The following ACTR3C variants were observed in gnomAD, a reference collection of about 807,000 sequenced individuals.
The protein encoded by ACTR3C is actin related protein 3C.
ACTR3C carries 18 observed loss-of-function variants against 26.3 expected under a neutral mutation model. That is an observed-to-expected ratio of 0.68 (90% CI 0.47 to 1.01). The LOEUF is 1.01. ACTR3C is among the 50% of genes least tolerant of loss of function. The probability of loss-of-function intolerance (pLI) is 0.00; values close to 1 mark genes in which losing one functional copy is unlikely to be tolerated. For synonymous variants in ACTR3C, 55 were observed against 94.5 expected, an observed-to-expected ratio of 0.58 and a Z score of 2.42; for missense variants, 184 against 250.7, an observed-to-expected ratio of 0.73 and a Z score of 1.80.
chr7:149,915,668 A>G, the ACTR3C span, among the ~76,000 whole-genome samples: 1 of 151,420 alleles, frequency 6.6e-6, no homozygotes, highest in Non-Finnish European at 1.5e-5. Context: ...GTGGTAAATT[A>G]TACACAGGTG....
the ACTR3C span, among the ~76,000 whole-genome samples, chr7:149,963,071 G>A: frequency 0.011 from 1,704 of 152,346 alleles, 8 homozygotes; most frequent in Non-Finnish European, 0.015. Context: ...GGCCATGGGG[G>A]GCGTGGATGC....
intron 6 of ACTR3C, among the ~76,000 whole-genome samples, chr7:150,262,412 CT>C (rs1285306288): frequency 1.3e-5 from 2 of 152,180 alleles, no homozygotes; most frequent in Admixed American, 6.5e-5. Context: ...ATGTCTGTAA[CT>C]TTTTTTTTCT....
chr7:150,302,366 T>A (rs1253952562), intron 1 of ACTR3C, among the ~76,000 whole-genome samples: 1 of 152,060 alleles, frequency 6.6e-6, no homozygotes, highest in Non-Finnish European at 1.5e-5. Flanking sequence ...AACTCCATAA[T>A]CAAACACTGC....
chr7:150,196,043 A>G, the ACTR3C span, among the ~76,000 whole-genome samples: 1 of 152,212 alleles, frequency 6.6e-6, no homozygotes, highest in Non-Finnish European at 1.5e-5. Flanking sequence ...GCAATTGAAC[A>G]TGGTATGCTT....
chr7:150,166,676 G>A, the ACTR3C span, among the ~76,000 whole-genome samples: 1 of 150,022 alleles, frequency 6.7e-6, no homozygotes, highest in African/African-American at 2.5e-5. Context: ...TCCAGCCTGG[G>A]CAACAGAGTT....
At chr7:150,060,120 ATTG>A in the ACTR3C span, among the ~76,000 whole-genome samples, 1 of 152,192 alleles carries the variant, frequency 6.6e-6, no homozygotes, top group South Asian at 2.1e-4. Context: ...AGCCCATAGA[ATTG>A]TTGTTTGAAT....
the ACTR3C span, among the ~76,000 whole-genome samples, chr7:150,125,256 AT>A: frequency 0.095 from 13,580 of 142,894 alleles, 1,718 homozygotes; most frequent in African/African-American, 0.3. Context: ...TCATTGCAGT[AT>A]TTTTTTTTTT....
intron 1 of ACTR3C, among the ~76,000 whole-genome samples, chr7:150,308,835 G>C (rs565655560): frequency 2.6e-5 from 4 of 152,266 alleles, no homozygotes; most frequent in Non-Finnish European, 5.9e-5. Flanking sequence ...GGAGCTGAGG[G>C]CACAGTAAGG....
chr7:150,110,677 G>A, the ACTR3C span, among the ~76,000 whole-genome samples: 1 of 143,282 alleles, frequency 7.0e-6, no homozygotes, highest in Non-Finnish European at 1.5e-5. Flanking sequence ...TGAGGGCGGG[G>A]ATGATCAGTG....
At chr7:150,166,762 C>G in the ACTR3C span, among the ~76,000 whole-genome samples, 4 of 150,166 alleles carry the variant, frequency 2.7e-5, no homozygotes, top group Non-Finnish European at 4.4e-5. Flanking sequence ...AGTCCCTCAT[C>G]TCATCGTATT....
At chr7:150,025,767 T>C in the ACTR3C span, among the ~76,000 whole-genome samples, 1 of 152,124 alleles carries the variant, frequency 6.6e-6, no homozygotes, top group Non-Finnish European at 1.5e-5. Context: ...TATTGCCTAA[T>C]TCCCTCCACT....
chr7:150,221,979 CAG>C, the ACTR3C span, among the ~76,000 whole-genome samples: 2 of 120,040 alleles, frequency 1.7e-5, no homozygotes, highest in Non-Finnish European at 3.2e-5. Context: ...GCCTGGGCAA[CAG>C]AGAGAGACTC....
chr7:149,895,257 G>C, the ACTR3C span, among the ~76,000 whole-genome samples: 1 of 150,818 alleles, frequency 6.6e-6, no homozygotes, highest in Non-Finnish European at 1.5e-5. Context: ...GGGATGGGAA[G>C]GACAAGATGT....
At chr7:150,029,423 A>C in the ACTR3C span, among the ~76,000 whole-genome samples, 803 of 11,468 alleles carry the variant, frequency 0.07, 42 homozygotes, top group African/African-American at 0.25. Flanking sequence ...AAAAACAAAC[A>C]AAAAAAAACC....
chr7:149,921,127 A>AGT, the ACTR3C span, among the ~76,000 whole-genome samples: 1 of 152,212 alleles, frequency 6.6e-6, no homozygotes, highest in Admixed American at 6.5e-5. Context: ...TCCAGTTCAC[A>AGT]GTGAGTCCTT....
chr7:150,291,607 T>C (rs1470293817), intron 3 of ACTR3C, among the ~76,000 whole-genome samples: 2 of 152,224 alleles, frequency 1.3e-5, no homozygotes, highest in Non-Finnish European at 2.9e-5. Context: ...TAAAAATCTT[T>C]TCAAACAACT....
At chr7:149,953,083 A>G in the ACTR3C span, among the ~76,000 whole-genome samples, 3 of 149,934 alleles carry the variant, frequency 2.0e-5, no homozygotes, top group African/African-American at 7.6e-5. Flanking sequence ...CTGTGAAGCT[A>G]TAGCCCAAGA....
At chr7:149,908,872 C>A in the ACTR3C span, among the ~76,000 whole-genome samples, 1 of 152,058 alleles carries the variant, frequency 6.6e-6, no homozygotes, top group South Asian at 2.1e-4. Context: ...ACCTCCACCC[C>A]CCAGCTTCAA....
the ACTR3C span, among the ~76,000 whole-genome samples, chr7:149,890,355 C>T: frequency 3.6e-4 from 54 of 149,122 alleles, no homozygotes; most frequent in African/African-American, 1.2e-3. Context: ...CACTAGAGAA[C>T]GAGGAGATAT....
Sources: gnomAD v4.1 joint callset for allele counts (sites outside exome capture counted in the v4.1 genomes callset) on GRCh38, gnomAD v4.1.1 for gene constraint, MANE v1.5 for transcripts, NCBI Gene and HGNC (gene_info 2026-07-23, HGNC 2026-07-21) for gene names.